ZNF430: variants seen among roughly 807,000 people sequenced by gnomAD.
The protein encoded by ZNF430 is zinc finger protein 430.
A neutral mutation model predicts 56.7 loss-of-function variants in ZNF430; 35 were observed. The ratio of observed to expected loss-of-function variants is 0.62; its 90% CI spans 0.47 to 0.82. The LOEUF is 0.82. Ranked by LOEUF, ZNF430 falls within the 40% of genes least tolerant of loss-of-function variation. The probability of loss-of-function intolerance (pLI) is 0.00; values close to 1 mark genes in which losing one functional copy is unlikely to be tolerated. For missense variants in ZNF430, 574 were observed against 661.0 expected (o/e 0.87, Z 1.44); for synonymous variants, 212 against 224.3 (o/e 0.94, Z 0.49).
chr19:21,023,429 C>T (rs1348051520), intron 2 of ZNF430, among the ~76,000 whole-genome samples: 1 of 152,032 alleles, frequency 6.6e-6, no homozygotes, highest in Non-Finnish European at 1.5e-5. Flanking sequence ...AAATATTTAC[C>T]AAAGGCATAA....
Position 21,020,913 on chromosome 19 carries a change from G to A in ZNF430, c.3+110G>A, listed in dbSNP as rs996204682. On this transcript the variant is annotated intron_variant, in intron 1 of 4. Coordinates refer to ENST00000261560, the MANE Select transcript of ZNF430 (RefSeq NM_025189.4). ...CCCGGCAGTCAGCTGCACAATCTGC[G>A]CCCCGAGTTCTTGCCCAGCTGGGCC... The A allele has an allele frequency of 1.7e-5, 26 of 1,487,876 alleles. No individual in the cohort carries two copies. The African/African-American group carries it at 3.2e-4, about 18-fold the overall frequency. The allele number at this position is 1,487,876 out of a possible 1,614,324, so 92.2% of individuals were successfully genotyped here. A position where few individuals can be genotyped will look rare whatever the true frequency, so the allele number is the denominator to read the frequency against.
At chr19:21,033,981 G>A (rs1228012035) in intron 3 of ZNF430, 105 bp from the exon 4 acceptor site, 2 of 816,780 alleles carry the variant, frequency 2.4e-6, no homozygotes, top group Non-Finnish European at 3.7e-6. Context: ...GTATTTTTAG[G>A]ATTAATTTTC....
chr19:21,020,702 G>C lies in ZNF430; in HGVS notation c.-99G>C. 6.5e-7 allele frequency: 1 copy of C among 1,545,658 alleles called. No homozygotes were observed. Among genetic ancestry groups the C allele is most frequent in the Admixed American group, 1.7e-5 (1 of 59,360 alleles). ...CTCCAGGTCTCGTCTTCAGCGCTCT[G>C]TGTCCTCTGCTCCTAGAGGTCCAGG... On this transcript the variant is annotated 5_prime_UTR_variant, in exon 1 of 5. Transcript: ENST00000261560.
rs368614522 is a variant in ZNF430, at chr19:21,033,578, C to T, written c.219C>T (p.Phe73=). The T allele has an allele frequency of 7.0e-4, 1,131 of 1,606,184 alleles. No homozygotes were observed. Among genetic ancestry groups the T allele is most frequent in the Middle Eastern group, 1.0e-3 (6 of 6,018 alleles). Reference sequence around the variant, plus strand: ...TAGAGAACTACAGAAACCTGGTCTTCTTGGGTGAGAATAACTTTAGTACAC... The same window carrying T: ...TAGAGAACTACAGAAACCTGGTCTTTTTGGGTGAGAATAACTTTAGTACAC... ...VMLENYRNLV[F]LAGIAVSKPD... The change falls in exon 3 of 5, where the codon TTC becomes TTT. Residue 73 remains phenylalanine (F), a synonymous_variant. Coordinates refer to ENST00000261560, the MANE Select transcript of ZNF430 (RefSeq NM_025189.4).
intron 4 of ZNF430, among the ~76,000 whole-genome samples, chr19:21,040,356 G>A (rs1316334382): frequency 6.6e-6 from 1 of 152,162 alleles, no homozygotes; most frequent in Non-Finnish European, 1.5e-5. Context: ...TTTGGGTCAT[G>A]GGGACTAATT....
intron 4 of ZNF430, among the ~76,000 whole-genome samples, chr19:21,040,303 C>T (rs990227755): frequency 6.6e-6 from 1 of 152,180 alleles, no homozygotes; most frequent in Admixed American, 6.5e-5. Flanking sequence ...GCTCATGCTG[C>T]AATGTAATAC....
intron 4 of ZNF430, among the ~76,000 whole-genome samples, chr19:21,038,238 C>T (rs1968038578): frequency 6.6e-6 from 1 of 151,660 alleles, no homozygotes; most frequent in Admixed American, 6.6e-5. Flanking sequence ...ATGATCCAAC[C>T]TTATTTTATC....
chr19:21,021,823 A>ATTTTTTTTTTTTTTTTTT lies in ZNF430; in HGVS notation c.4-953_4-936dup, dbSNP rs71174785. Among the ~76,000 whole-genome samples the ATTTTTTTTTTTTTTTTTT allele has an allele frequency of 8.2e-5, 7 of 85,726 alleles. 1 individual carries two copies. Among genetic ancestry groups the ATTTTTTTTTTTTTTTTTT allele is most frequent in the African/African-American group, 3.7e-4 (7 of 18,800 alleles). 56.2% of individuals were successfully genotyped at this position (85,726 alleles called of 152,430 possible). ...TTTCAAAACGATGCGCCTGAGTTAGATTTTTTTTTTTTTTTTTTTTTTTTT... is the reference window on the plus strand; with the variant it reads ...TTTCAAAACGATGCGCCTGAGTTAGATTTTTTTTTTTTTTTTTTTTTTTTTTTTTTTTTTTTTTTTTTT... On this transcript the variant is annotated intron_variant, in intron 1 of 4. Coordinates refer to ENST00000261560, the MANE Select transcript of ZNF430 (RefSeq NM_025189.4).
At chr19:21,046,899 G>C (rs1280362816) in intron 4 of ZNF430, among the ~76,000 whole-genome samples, 1 of 152,096 alleles carries the variant, frequency 6.6e-6, no homozygotes, top group Non-Finnish European at 1.5e-5. Context: ...GGTTGGAAAA[G>C]TTCTTCTGGA....
chr19:21,049,662 C>CTGCAACATTTCTTGTTACATTTTG (rs1968248342), intron 4 of ZNF430: 12 of 23,038 alleles, frequency 5.2e-4, no homozygotes, highest in Admixed American at 1.8e-3. Context: ...GTTACGTTTC[C>CTGCAACATTTCTTGTTACATTTTG]TGCAACATTT....
chr19:21,023,956 A>G (rs8112249), intron 2 of ZNF430, among the ~76,000 whole-genome samples: 7,123 of 152,272 alleles, frequency 0.047, 569 homozygotes, highest in African/African-American at 0.16. Context: ...AATTGCAAAC[A>G]CCTTAAAATT....
chr19:21,050,495 A>G (rs150388609), intron 4 of ZNF430, among the ~76,000 whole-genome samples: 280 of 152,164 alleles, frequency 1.8e-3, no homozygotes, highest in African/African-American at 6.2e-3. Flanking sequence ...TGTATTTTTT[A>G]TGACTTGTAT....
intron 4 of ZNF430, among the ~76,000 whole-genome samples, chr19:21,055,428 T>C (rs1322118574): frequency 6.7e-6 from 1 of 149,578 alleles, no homozygotes; most frequent in Non-Finnish European, 1.5e-5. Flanking sequence ...GTTTCTTCTT[T>C]TTTTAGTTTT....
At chr19:21,031,790 T>C (rs1361128342) in intron 2 of ZNF430, among the ~76,000 whole-genome samples, 2 of 152,210 alleles carry the variant, frequency 1.3e-5, no homozygotes, top group Non-Finnish European at 1.5e-5. Context: ...CTGTGTGCAC[T>C]CTGCTTCATG....
intron 4 of ZNF430, among the ~76,000 whole-genome samples, chr19:21,039,732 C>CT (rs778198451): frequency 1.3e-5 from 2 of 152,142 alleles, no homozygotes; most frequent in African/African-American, 2.4e-5. Flanking sequence ...TCCCAAAGTG[C>CT]TGGCATTACA....
At chr19:21,023,100 A>G (rs1311069141) in intron 2 of ZNF430, among the ~76,000 whole-genome samples, 1 of 152,212 alleles carries the variant, frequency 6.6e-6, no homozygotes, top group Non-Finnish European at 1.5e-5. Flanking sequence ...TAGTATCCCA[A>G]AAGACAAAAA....
chr19:21,041,862 C>T (rs539017254), intron 4 of ZNF430, among the ~76,000 whole-genome samples: 2 of 152,260 alleles, frequency 1.3e-5, no homozygotes, highest in African/African-American at 4.8e-5. Flanking sequence ...TACAGGCATG[C>T]ACCACCATTC....
At chr19:21,033,670 T>A in intron 3 of ZNF430, 88 bp downstream of exon 3, 1 of 1,378,516 alleles carries the variant, frequency 7.3e-7, no homozygotes, top group Non-Finnish European at 9.8e-7. Context: ...AATTTATGCT[T>A]TGCATAAATG....
At chr19:21,033,793 A>G (rs1967945263) in intron 3 of ZNF430, 1 of 588,732 alleles carries the variant, frequency 1.7e-6, no homozygotes, top group Non-Finnish European at 2.7e-6. Flanking sequence ...GCTGATCTGT[A>G]TCCTTCACTC....
Sources: allele counts gnomAD v4.1 joint callset (sites outside exome capture counted in the v4.1 genomes callset), GRCh38; gene constraint gnomAD v4.1.1; transcripts MANE v1.5; gene names NCBI Gene and HGNC (gene_info 2026-07-23, HGNC 2026-07-21).